The following CFL2 variants were observed in gnomAD, a reference collection of about 807,000 sequenced individuals.
CFL2 encodes cofilin 2.
Under a neutral mutation model 19.6 loss-of-function variants are expected in CFL2, and 10 were observed. The ratio of observed to expected loss-of-function variants is 0.51; its 90% CI spans 0.31 to 0.86. The LOEUF (loss-of-function observed/expected upper bound fraction) is 0.86, where lower values mean the gene tolerates loss of function less well. Among genes scored for constraint, CFL2 ranks in the 40% least tolerant of loss-of-function variants. The pLI is 0.04. For missense variants in CFL2, 125 were observed against 192.1 expected, an observed-to-expected ratio of 0.65 and a Z score of 2.06; for synonymous variants, 63 against 66.7, an observed-to-expected ratio of 0.95 and a Z score of 0.27.
intron 2 of CFL2, 53 bp from the exon 3 acceptor site, chr14:34,713,189 AGACT>A (rs916242055): frequency 1.6e-5 from 25 of 1,554,712 alleles, no homozygotes; most frequent in Non-Finnish European, 2.0e-5. Flanking sequence ...AACAAAGGTA[AGACT>A]GACTATGATA....
rs769083821 is a variant in CFL2 at position 34,711,392 on chromosome 14, A to AGAT, written c.*1472_*1473insATC. On this transcript the variant is annotated 3_prime_UTR_variant, in exon 4 of 4. Transcript: ENST00000298159. The stretch of plus-strand genomic sequence containing the variant: ...AGCCCTGGCTAACAGCAAACCGCTC[A>AGAT]CACTGAGCAGATCAAATTCTCTATA... 41 of 454,466 alleles carry AGAT rather than the reference A, an allele frequency of 9.0e-5. No individual in the cohort carries two copies. Among genetic ancestry groups the AGAT allele is most frequent in the Non-Finnish European group, 2.6e-5 (6 of 226,812 alleles). The allele number at this position is 454,466 out of a possible 1,614,324, so 28.2% of individuals were successfully genotyped here. A position where few individuals can be genotyped will look rare whatever the true frequency, so the allele number is the denominator to read the frequency against.
chr14:34,712,032 T>C lies in CFL2; in HGVS notation c.*833A>G, dbSNP rs768807009. 3.3e-5 allele frequency: 15 copies of C among 454,564 alleles called. No individual in the cohort carries two copies. Among genetic ancestry groups the C allele is most frequent in the South Asian group, 2.3e-4 (15 of 64,478 alleles). The allele number at this position is 454,564 out of a possible 1,614,324, so 28.2% of individuals were successfully genotyped here. A position where few individuals can be genotyped will look rare whatever the true frequency, so the allele number is the denominator to read the frequency against. On this transcript the variant is annotated 3_prime_UTR_variant, in exon 4 of 4. Coordinates refer to ENST00000298159, the MANE Select transcript of CFL2 (RefSeq NM_138638.5). The stretch of plus-strand genomic sequence containing the variant: ...GTTCTGTAATATGCCACAATTTTTA[T>C]TGCAACGTGGCCATTTTTGTGAGGG...
Position 34,710,818 on chromosome 14 carries a change from AAG to A in CFL2, c.*2045_*2046del, listed in dbSNP as rs1167176785. The A allele has an allele frequency of 1.1e-5, 5 of 453,022 alleles. No individual in the cohort carries two copies. The highest frequency in any genetic ancestry group is 1.8e-5 in the Non-Finnish European group (4 of 226,580). The allele number at this position is 453,022 out of a possible 1,614,324, so 28.1% of individuals were successfully genotyped here. A position where few individuals can be genotyped will look rare whatever the true frequency, so the allele number is the denominator to read the frequency against. ...GTTAAGGAATCAGCTACAAAAACAAAAGATACTACATAACTGATTTATAGTCC... is the reference window on the plus strand; with the variant it reads ...GTTAAGGAATCAGCTACAAAAACAAAATACTACATAACTGATTTATAGTCC... On this transcript the variant is annotated 3_prime_UTR_variant, in exon 4 of 4. Coordinates refer to ENST00000298159, the MANE Select transcript of CFL2 (RefSeq NM_138638.5).
rs538159861 is a variant in CFL2, at chr14:34,711,387, C to T, written c.*1478G>A. The T allele has an allele frequency of 2.2e-5, 10 of 454,424 alleles. No homozygotes were observed. Among genetic ancestry groups the T allele is most frequent in the East Asian group, 1.4e-4 (2 of 14,396 alleles). The allele number at this position is 454,424 out of a possible 1,614,324, so 28.1% of individuals were successfully genotyped here. On this transcript the variant is annotated 3_prime_UTR_variant, in exon 4 of 4. Transcript: ENST00000298159. The stretch of plus-strand genomic sequence containing the variant: ...TAAATAGCCCTGGCTAACAGCAAAC[C>T]GCTCACACTGAGCAGATCAAATTCT...
Position 34,712,006 on chromosome 14 carries a change from C to T in CFL2, c.*859G>A, listed in dbSNP as rs778962894. 6 of 454,306 alleles carry T rather than the reference C, an allele frequency of 1.3e-5. No individual in the cohort carries two copies. The highest frequency in any genetic ancestry group is 6.0e-5 in the African/African-American group (3 of 49,974). 28.1% of individuals were successfully genotyped at this position (454,306 alleles called of 1,614,324 possible). On this transcript the variant is annotated 3_prime_UTR_variant, in exon 4 of 4. Coordinates refer to ENST00000298159, the MANE Select transcript of CFL2 (RefSeq NM_138638.5). The stretch of plus-strand genomic sequence containing the variant: ...AAAATTTCCAAGGAAAACAAGGCAA[C>T]GTTCTGTAATATGCCACAATTTTTA...
rs1260450042 is a variant in CFL2 at position 34,712,644 on chromosome 14, A to C, written c.*221T>G. ...TTGTTTTGGCTAAAATATGACAGGA[A>C]GGCATTCCTTGGGTTCTATATAAAA... On this transcript the variant is annotated 3_prime_UTR_variant, in exon 4 of 4. Coordinates refer to ENST00000298159, the MANE Select transcript of CFL2 (RefSeq NM_138638.5). The C allele has an allele frequency of 3.0e-6, 2 of 658,510 alleles. No homozygotes were observed. The highest frequency in any genetic ancestry group is 6.0e-5 in the East Asian group (2 of 33,194). The allele number at this position is 658,510 out of a possible 1,614,324, so 40.8% of individuals were successfully genotyped here. A position where few individuals can be genotyped will look rare whatever the true frequency, so the allele number is the denominator to read the frequency against.
chr14:34,710,267 A>G lies in CFL2; in HGVS notation c.*2598T>C. On this transcript the variant is annotated 3_prime_UTR_variant, in exon 4 of 4. Coordinates refer to ENST00000298159, the MANE Select transcript of CFL2 (RefSeq NM_138638.5). ...CTGTTCCCATTTGTCTGAAAATGCT[A>G]AAATTAATTGCTGTAACACTCAGTT... is the stretch of plus-strand genomic sequence containing the variant. 2 of 226,986 alleles carry G rather than the reference A, an allele frequency of 8.8e-6. No homozygotes were observed. Among genetic ancestry groups the G allele is most frequent in the Non-Finnish European group, 1.8e-5 (2 of 112,740 alleles). 14.1% of individuals were successfully genotyped at this position (226,986 alleles called of 1,614,324 possible).
chr14:34,711,269 T>A lies in CFL2; in HGVS notation c.*1596A>T. 1 of 454,558 alleles carries A rather than the reference T, an allele frequency of 2.2e-6. No homozygotes were observed. The highest frequency in any genetic ancestry group is 4.4e-6 in the Non-Finnish European group (1 of 226,796). 28.2% of individuals were successfully genotyped at this position (454,558 alleles called of 1,614,324 possible). A position where few individuals can be genotyped will look rare whatever the true frequency, so the allele number is the denominator to read the frequency against. ...AAGTTCTGAGCCACGACTGACTGCTTACTAGCATGCCTGTTTTGCATACCA... is the reference window on the plus strand; with the variant it reads ...AAGTTCTGAGCCACGACTGACTGCTAACTAGCATGCCTGTTTTGCATACCA... On this transcript the variant is annotated 3_prime_UTR_variant, in exon 4 of 4. Transcript: ENST00000298159.
intron 1 of CFL2, chr14:34,714,322 G>C: frequency 4.6e-6 from 3 of 646,002 alleles, no homozygotes; most frequent in Non-Finnish European, 4.5e-6. Context: ...CTGCGCCGAC[G>C]CCCGGGCCCT....
Position 34,711,967 on chromosome 14 carries a change from A to G in CFL2, c.*898T>C. The stretch of plus-strand genomic sequence containing the variant: ...CTGTTTTTACCCTAGAAGTTGTTTC[A>G]CATAACATTTTGCAAAATTTCCAAG... On this transcript the variant is annotated 3_prime_UTR_variant, in exon 4 of 4. Transcript: ENST00000298159. 1 of 454,478 alleles carries G rather than the reference A, an allele frequency of 2.2e-6. No homozygotes were observed. Among genetic ancestry groups the G allele is most frequent in the Non-Finnish European group, 4.4e-6 (1 of 226,728 alleles). 28.2% of individuals were successfully genotyped at this position (454,478 alleles called of 1,614,324 possible).
rs188111907 is a variant in CFL2 at position 34,709,403 on chromosome 14, G to A, written c.*3462C>T. 2.0e-5 allele frequency: 3 copies of A among 152,164 alleles called. No homozygotes were observed. Among genetic ancestry groups the A allele is most frequent in the South Asian group, 2.1e-4 (1 of 4,824 alleles). 9.4% of individuals were successfully genotyped at this position (152,164 alleles called of 1,614,324 possible). A position where few individuals can be genotyped will look rare whatever the true frequency, so the allele number is the denominator to read the frequency against. On this transcript the variant is annotated 3_prime_UTR_variant, in exon 4 of 4. Coordinates refer to ENST00000298159, the MANE Select transcript of CFL2 (RefSeq NM_138638.5). Reference sequence around the variant, plus strand: ...ATAAAGCAATTAGTTGGATGTTCCAGAGCAAAAGAAAAGCCTCAGACTTCT... The same window carrying A: ...ATAAAGCAATTAGTTGGATGTTCCAAAGCAAAAGAAAAGCCTCAGACTTCT...
At position 34,712,292 on chromosome 14, in the gene CFL2, T is replaced by C. The variant is rs1200669502; in HGVS notation, c.*573A>G. On this transcript the variant is annotated 3_prime_UTR_variant, in exon 4 of 4. Coordinates refer to ENST00000298159, the MANE Select transcript of CFL2 (RefSeq NM_138638.5). ...ATGAACACTGAGGTACTAGGATAAG[T>C]TGATGACACAGTTAACAAAACTTAA... 2.2e-6 allele frequency: 1 copy of C among 454,558 alleles called. No individual in the cohort carries two copies. The allele number at this position is 454,558 out of a possible 1,614,324, so 28.2% of individuals were successfully genotyped here.
At position 34,710,360 on chromosome 14, in the gene CFL2, GATA is replaced by G. The variant is rs1251803377; in HGVS notation, c.*2502_*2504del. ...CTAAAATCCTGAAAAACAGAATAAA[GATA>G]ATGATGCCTCTTTGATCTGAAATAC... On this transcript the variant is annotated 3_prime_UTR_variant, in exon 4 of 4. Coordinates refer to ENST00000298159, the MANE Select transcript of CFL2 (RefSeq NM_138638.5). The G allele has an allele frequency of 4.2e-6, 1 of 240,864 alleles. No homozygotes were observed. Among genetic ancestry groups the G allele is most frequent in the Non-Finnish European group, 8.3e-6 (1 of 119,794 alleles). The allele number at this position is 240,864 out of a possible 1,614,324, so 14.9% of individuals were successfully genotyped here. A position where few individuals can be genotyped will look rare whatever the true frequency, so the allele number is the denominator to read the frequency against.
At position 34,710,864 on chromosome 14, in the gene CFL2, G is replaced by A. The variant is rs1298219930; in HGVS notation, c.*2001C>T. On this transcript the variant is annotated 3_prime_UTR_variant, in exon 4 of 4. Coordinates refer to ENST00000298159, the MANE Select transcript of CFL2 (RefSeq NM_138638.5). ...ATAGTCCCTTATTTTTTAAAAGAAT[G>A]AGGAAATAACTCAATGAAAAATTCC... 4 of 454,004 alleles carry A rather than the reference G, an allele frequency of 8.8e-6. No individual in the cohort carries two copies. The Admixed American group carries it at 9.4e-5, about 11-fold the overall frequency. 28.1% of individuals were successfully genotyped at this position (454,004 alleles called of 1,614,324 possible).
Position 34,712,845 on chromosome 14 carries a change from G to C in CFL2, c.*20C>G. On this transcript the variant is annotated 3_prime_UTR_variant, in exon 4 of 4. Transcript: ENST00000298159. ...AGAAATGGAAGCTCCTTAAGATCCAGATGGCACTTGACTGTCATTTTATAA... is the reference window on the plus strand; with the variant it reads ...AGAAATGGAAGCTCCTTAAGATCCACATGGCACTTGACTGTCATTTTATAA... The C allele has an allele frequency of 8.0e-7, 1 of 1,254,710 alleles. No homozygotes were observed. Among genetic ancestry groups the C allele is most frequent in the South Asian group, 1.2e-5 (1 of 83,920 alleles). The allele number at this position is 1,254,710 out of a possible 1,614,324, so 77.7% of individuals were successfully genotyped here.
chr14:34,713,924 A>G (rs1322498637), intron 1 of CFL2: 1 of 949,180 alleles, frequency 1.1e-6, no homozygotes, highest in East Asian at 2.7e-5. Context: ...ACACTTTTGG[A>G]TTTCAGTTAA....
rs1186770805 is a variant in CFL2 at position 34,711,234 on chromosome 14, C to G, written c.*1631G>C. The G allele has an allele frequency of 8.8e-6, 4 of 454,344 alleles. No individual in the cohort carries two copies. The Admixed American group carries it at 9.4e-5, about 11-fold the overall frequency. The allele number at this position is 454,344 out of a possible 1,614,324, so 28.1% of individuals were successfully genotyped here. ...TTTCTGCTAAAAGCATTCCTCTGAGCTATGGGGTTAAGTTCTGAGCCACGA... is the reference window on the plus strand; with the variant it reads ...TTTCTGCTAAAAGCATTCCTCTGAGGTATGGGGTTAAGTTCTGAGCCACGA... On this transcript the variant is annotated 3_prime_UTR_variant, in exon 4 of 4. Transcript: ENST00000298159.
intron 3 of CFL2, 37 bp from the exon 4 acceptor site, chr14:34,713,014 A>T: frequency 6.6e-7 from 1 of 1,524,906 alleles, no homozygotes; most frequent in Non-Finnish European, 9.0e-7. Flanking sequence ...ACTTTATTAT[A>T]ATTAATAAAG....
chr14:34,713,226 A>T, intron 2 of CFL2, 28 bp downstream of exon 2: 1 of 1,600,270 alleles, frequency 6.2e-7, no homozygotes, highest in Non-Finnish European at 8.6e-7. Context: ...GCATTTTAAA[A>T]GTACTTTTTT....
Sources: allele counts gnomAD v4.1 joint callset, GRCh38; gene constraint gnomAD v4.1.1; transcripts MANE v1.5; gene names NCBI Gene and HGNC (gene_info 2026-07-23, HGNC 2026-07-21).